ZNF717: variants seen among roughly 807,000 people sequenced by gnomAD.
ZNF717 encodes zinc finger protein 717, also known as krueppel-like factor X17.
In ZNF717, 9 loss-of-function variants were observed where a neutral mutation model predicts 13.8. The observed-to-expected ratio is 0.65, with a 90% CI of 0.39 to 1.14. The LOEUF (loss-of-function observed/expected upper bound fraction) is 1.14. Ranked by LOEUF, ZNF717 falls within the 50% of genes most tolerant of loss-of-function variation. The pLI is 0.01. For missense variants in ZNF717, 1,040 were observed against 1,080.7 expected, an observed-to-expected ratio of 0.96 and a Z score of 0.53; for synonymous variants, 327 against 364.1, an observed-to-expected ratio of 0.90 and a Z score of 1.16.
chr3:75,736,939 T>C lies in ZNF717; in HGVS notation c.2684A>G (p.Glu895Gly). The C allele has an allele frequency of 6.4e-7, 1 of 1,564,766 alleles. No homozygotes were observed. Among genetic ancestry groups the C allele is most frequent in the Non-Finnish European group, 8.7e-7 (1 of 1,155,016 alleles). ...GCCTGCCTCAGCTACGTCAGATTTC[T>C]CTCCTATATGGGTTTGTTGATGCCT... is the stretch of plus-strand genomic sequence containing the variant. The part of the protein sequence containing the change: ...LSRHQQTHIG[E>G]KSDVAEAGYV... Residue 895 changes from glutamate to glycine, a missense_variant, in exon 5 of 5, where the codon GAG becomes GGG. Physicochemically the swap from Glu to Gly is moderately conservative, Grantham distance 98. Around this residue, in one of 3 missense-constraint regions of ZNF717, gnomAD observed 44 missense variants for 70.1 expected, o/e 0.63. Transcript: ENST00000652011.
At chr3:75,755,457 G>A (rs1055127341) in intron 2 of ZNF717, among the ~76,000 whole-genome samples, 68 of 152,220 alleles carry the variant, frequency 4.5e-4, no homozygotes, top group African/African-American at 1.6e-3. Context: ...ATAAAAACAT[G>A]TATTTATTCA....
At chr3:75,784,589 T>C (rs368261303) in intron 1 of ZNF717, among the ~76,000 whole-genome samples, 16 of 152,176 alleles carry the variant, frequency 1.1e-4, no homozygotes, top group African/African-American at 3.9e-4. Context: ...GTCACTCCTG[T>C]ACCCCAGACC....
chr3:75,719,997 T>TAATAATAATAAC (rs1938137855), intron 4 of ZNF717, among the ~76,000 whole-genome samples: 2 of 141,178 alleles, frequency 1.4e-5, no homozygotes, highest in South Asian at 2.4e-4. Flanking sequence ...ATAATAATAA[T>TAATAATAATAAC]AACCACGGAT....
intron 6 of ZNF717, among the ~76,000 whole-genome samples, chr3:75,699,696 T>A (rs1937647483): frequency 6.6e-6 from 1 of 152,414 alleles, no homozygotes; most frequent in Non-Finnish European, 1.5e-5. Flanking sequence ...ATTAAACCTA[T>A]TTTCTTTATA....
chr3:75,770,096 A>C (rs1943773490), intron 2 of ZNF717, among the ~76,000 whole-genome samples: 1 of 152,178 alleles, frequency 6.6e-6, no homozygotes, highest in African/African-American at 2.4e-5. Context: ...TAAGGATGTC[A>C]TCACAGTGCT....
intron 2 of ZNF717, among the ~76,000 whole-genome samples, chr3:75,770,981 G>C (rs1163371699): frequency 6.6e-6 from 1 of 152,184 alleles, no homozygotes; most frequent in Non-Finnish European, 1.5e-5. Flanking sequence ...GGTCATAATA[G>C]GAACTGTCAC....
At chr3:75,726,026 A>G (rs2106880601), downstream of ZNF717, among the ~76,000 whole-genome samples, 1 of 152,328 alleles carries the variant, frequency 6.6e-6, no homozygotes, top group South Asian at 2.1e-4. Flanking sequence ...CTCATTATGA[A>G]ACCCATCTGT....
chr3:75,719,997 T>TAATAATAAC, intron 4 of ZNF717, among the ~76,000 whole-genome samples: 1 of 141,178 alleles, frequency 7.1e-6, no homozygotes, highest in South Asian at 2.4e-4. Context: ...ATAATAATAA[T>TAATAATAAC]AACCACGGAT....
intron 2 of ZNF717, among the ~76,000 whole-genome samples, chr3:75,777,507 T>G (rs1221805884): frequency 1.3e-5 from 2 of 150,970 alleles, no homozygotes; most frequent in African/African-American, 2.4e-5. Flanking sequence ...GGGAGTGATG[T>G]GCTAAAACTG....
intron 4 of ZNF717, among the ~76,000 whole-genome samples, chr3:75,740,282 ATC>A (rs1940217981): frequency 6.6e-6 from 1 of 152,246 alleles, no homozygotes; most frequent in South Asian, 2.1e-4. Flanking sequence ...TCAAACAGAA[ATC>A]TGAGCCCTTC....
At chr3:75,783,162 T>C (rs1454337434) in intron 2 of ZNF717, 144 bp downstream of exon 2, 1 of 675,100 alleles carries the variant, frequency 1.5e-6, no homozygotes, top group African/African-American at 1.8e-5. Flanking sequence ...CCTGTCTATA[T>C]CTACAGGTCA....
intron 2 of ZNF717, among the ~76,000 whole-genome samples, chr3:75,780,061 G>A (rs1483394656): frequency 4.1e-5 from 6 of 147,968 alleles, no homozygotes; most frequent in East Asian, 2.0e-4. Flanking sequence ...TGGGAGTGAC[G>A]TGCTAAGCCA....
intron 2 of ZNF717, among the ~76,000 whole-genome samples, chr3:75,780,429 G>C (rs907587613): frequency 1.3e-5 from 2 of 152,182 alleles, no homozygotes; most frequent in Admixed American, 1.3e-4. Context: ...TTCTGAGATA[G>C]AGTCTTGCTC....
At chr3:75,718,707 C>T (rs1356584719) in intron 4 of ZNF717, among the ~76,000 whole-genome samples, 1 of 152,062 alleles carries the variant, frequency 6.6e-6, no homozygotes, top group Admixed American at 6.5e-5. Flanking sequence ...TAACCTAGAT[C>T]CCTCACATGT....
intron 2 of ZNF717, among the ~76,000 whole-genome samples, chr3:75,764,551 G>GACCAAAAAACCCCGCTACA (rs1943279325): frequency 6.6e-6 from 1 of 151,966 alleles, no homozygotes; most frequent in Non-Finnish European, 1.5e-5. Flanking sequence ...AAATGATCAT[G>GACCAAAAAACCCCGCTACA]ACCAAAAAAC....
At chr3:75,745,799 CT>C (rs75682145) in intron 2 of ZNF717, among the ~76,000 whole-genome samples, 27 of 144,438 alleles carry the variant, frequency 1.9e-4, no homozygotes, top group South Asian at 4.4e-4. Flanking sequence ...ACAGGGTTTT[CT>C]TTTTTTTTTA....
At chr3:75,717,151 G>A (rs1204932101) in intron 4 of ZNF717, among the ~76,000 whole-genome samples, 1 of 152,064 alleles carries the variant, frequency 6.6e-6, no homozygotes, top group East Asian at 1.9e-4. Context: ...AAGCTCTTGA[G>A]AGGAAAAATC....
downstream of ZNF717, among the ~76,000 whole-genome samples, chr3:75,731,571 A>AG (rs368607569): frequency 2.3e-5 from 1 of 43,294 alleles, no homozygotes; most frequent in Non-Finnish European, 4.8e-5. Context: ...AAAAAAAGGA[A>AG]GAAAAAAAAA....
chr3:75,760,511 C>A (rs2107543950), intron 2 of ZNF717, among the ~76,000 whole-genome samples: 1 of 152,022 alleles, frequency 6.6e-6, no homozygotes, highest in South Asian at 2.1e-4. Context: ...AAAATCATGA[C>A]ATACCCAAAC....
Sources: allele counts gnomAD v4.1 joint callset (sites outside exome capture counted in the v4.1 genomes callset), GRCh38; gene constraint gnomAD v4.1.1; regional missense constraint gnomAD v4.1.1; transcripts MANE v1.5; gene names NCBI Gene and HGNC (gene_info 2026-07-23, HGNC 2026-07-21).